Variants in MTUS2 observed in about 807,000 individuals in gnomAD.
MTUS2 encodes microtubule-associated tumor suppressor candidate 2.
A neutral mutation model predicts 114.1 loss-of-function variants in MTUS2; 40 were observed. That is an observed-to-expected ratio of 0.35 (90% CI 0.27 to 0.46). The LOEUF (loss-of-function observed/expected upper bound fraction) is 0.46, where lower values mean the gene tolerates loss of function less well. Among genes scored for constraint, MTUS2 ranks in the 20% least tolerant of loss-of-function variants. MTUS2 has a pLI of 1.00. For missense variants in MTUS2, 1,679 were observed against 1,705.4 expected (o/e 0.98, Z 0.27); for synonymous variants, 688 against 672.0 (o/e 1.02, Z -0.37).
intron 5 of MTUS2, among the ~76,000 whole-genome samples, chr13:29,269,317 A>G (rs935233637): frequency 5.9e-5 from 9 of 152,188 alleles, no homozygotes; most frequent in African/African-American, 2.2e-4. Context: ...CTAAAAGGCA[A>G]CTGAGATTTG....
chr13:29,344,201 T>C (rs1868432701), intron 7 of MTUS2, among the ~76,000 whole-genome samples: 1 of 151,098 alleles, frequency 6.6e-6, no homozygotes, highest in African/African-American at 2.4e-5. Flanking sequence ...ATTGTGCCTT[T>C]GTTGACTTTC....
At chr13:28,978,065 A>C (rs868071710) in intron 2 of MTUS2, among the ~76,000 whole-genome samples, 8 of 152,330 alleles carry the variant, frequency 5.3e-5, no homozygotes, top group Middle Eastern at 3.4e-3. Context: ...TTTGAGATAG[A>C]ATTTATCTGC....
intron 6 of MTUS2, among the ~76,000 whole-genome samples, chr13:29,307,967 T>G (rs987065633): frequency 6.6e-6 from 1 of 152,146 alleles, no homozygotes; most frequent in Non-Finnish European, 1.5e-5. Flanking sequence ...TAAAGTCCCC[T>G]GTGCTCAGTC....
At chr13:28,935,200 T>C (rs1881838736) in intron 2 of MTUS2, among the ~76,000 whole-genome samples, 1 of 152,110 alleles carries the variant, frequency 6.6e-6, no homozygotes, top group African/African-American at 2.4e-5. Context: ...TCCATTCTAC[T>C]GTTTAGGGAC....
At chr13:29,173,791 A>T (rs1401299224) in intron 5 of MTUS2, among the ~76,000 whole-genome samples, 1 of 152,134 alleles carries the variant, frequency 6.6e-6, no homozygotes, top group Non-Finnish European at 1.5e-5. Flanking sequence ...ACCTGCATTA[A>T]AAAAACTCCC....
chr13:29,021,592 TTC>T (rs947415520), intron 2 of MTUS2, among the ~76,000 whole-genome samples: 16 of 152,322 alleles, frequency 1.1e-4, no homozygotes, highest in African/African-American at 3.4e-4. Context: ...ATATTTATAC[TTC>T]TGCCCACAGA....
At chr13:28,923,589 G>A (rs1289919986) in intron 2 of MTUS2, among the ~76,000 whole-genome samples, 1 of 152,194 alleles carries the variant, frequency 6.6e-6, no homozygotes, top group East Asian at 1.9e-4. Flanking sequence ...AGGACGCCTT[G>A]CCCCTCTAGA....
intron 2 of MTUS2, among the ~76,000 whole-genome samples, chr13:28,991,428 G>T (rs1186243492): frequency 3.3e-5 from 5 of 149,770 alleles, no homozygotes; most frequent in African/African-American, 1.2e-4. Context: ...GAGTGCAGTG[G>T]TGCGATCTTG....
intron 2 of MTUS2, among the ~76,000 whole-genome samples, chr13:28,894,367 A>G: frequency 7.2e-6 from 1 of 138,562 alleles, no homozygotes; most frequent in Non-Finnish European, 1.5e-5. Flanking sequence ...TGAGAGAGAG[A>G]GAGAGAACAG....
At chr13:29,344,463 G>A (rs1318534608) in intron 7 of MTUS2, among the ~76,000 whole-genome samples, 1 of 151,988 alleles carries the variant, frequency 6.6e-6, no homozygotes, top group Non-Finnish European at 1.5e-5. Context: ...TATAACAATA[G>A]CTACTCCGGC....
chr13:29,400,551 A>G (rs1874250573), intron 8 of MTUS2, among the ~76,000 whole-genome samples: 1 of 152,222 alleles, frequency 6.6e-6, no homozygotes, highest in South Asian at 2.1e-4. Context: ...TAATCAAAGA[A>G]GAAGACAGTA....
At chr13:29,133,008 T>C (rs1312403423) in intron 5 of MTUS2, among the ~76,000 whole-genome samples, 1 of 152,138 alleles carries the variant, frequency 6.6e-6, no homozygotes, top group East Asian at 1.9e-4. Flanking sequence ...CTCCACATTC[T>C]TGACAACACT....
At chr13:29,452,448 C>T (rs1325247278) in intron 9 of MTUS2, among the ~76,000 whole-genome samples, 1 of 151,986 alleles carries the variant, frequency 6.6e-6, no homozygotes, top group Non-Finnish European at 1.5e-5. Flanking sequence ...TGCTCTGTCA[C>T]CTAGGCTGGA....
rs559182434 is a variant in MTUS2, at chr13:29,301,248, T to C, written c.2806+19383T>C. On this transcript the variant is annotated intron_variant, in intron 6 of 15. Coordinates refer to ENST00000612955, the MANE Select transcript of MTUS2 (RefSeq NM_001033602.4). ...CTCTTGCCTAGGACCCTGCAGCAGC[T>C]CTCATTGCCCTTTTGTGTAGGCCTG... Among the ~76,000 whole-genome samples, 8 of 152,284 alleles carry C rather than the reference T, an allele frequency of 5.3e-5. No individual in the cohort carries two copies. In the South Asian group the frequency reaches 1.7e-3, roughly 32 times the overall value.
At chr13:29,151,881 G>A (rs1226964656) in intron 5 of MTUS2, among the ~76,000 whole-genome samples, 3 of 152,184 alleles carry the variant, frequency 2.0e-5, no homozygotes, top group African/African-American at 7.2e-5. Flanking sequence ...CAGGAGAAAA[G>A]ACTCTTGATG....
At chr13:29,119,685 G>C (rs1479921943) in intron 5 of MTUS2, among the ~76,000 whole-genome samples, 4 of 152,156 alleles carry the variant, frequency 2.6e-5, no homozygotes, top group African/African-American at 4.8e-5. Context: ...AGTAGTCAGG[G>C]AAGAGAGCAA....
chr13:29,343,154 TA>T (rs1178522677), intron 7 of MTUS2, among the ~76,000 whole-genome samples: 8 of 151,388 alleles, frequency 5.3e-5, no homozygotes, highest in African/African-American at 1.9e-4. Context: ...GTTTTAGTAT[TA>T]GGGTGATAGT....
intron 4 of MTUS2, among the ~76,000 whole-genome samples, chr13:29,063,746 A>G (rs938156831): frequency 2.0e-5 from 3 of 152,224 alleles, no homozygotes; most frequent in Non-Finnish European, 4.4e-5. Flanking sequence ...AAATTTATCA[A>G]AGTGTACACA....
At chr13:29,476,225 A>G (rs146554488) in intron 9 of MTUS2, among the ~76,000 whole-genome samples, 1 of 152,330 alleles carries the variant, frequency 6.6e-6, no homozygotes, top group Non-Finnish European at 1.5e-5. Flanking sequence ...CCTACACTCC[A>G]TGATGTTTGC....
Sources: gnomAD v4.1 joint callset for allele counts (sites outside exome capture counted in the v4.1 genomes callset) on GRCh38, gnomAD v4.1.1 for gene constraint, MANE v1.5 for transcripts, NCBI Gene and HGNC (gene_info 2026-07-23, HGNC 2026-07-21) for gene names.